Variants in ARMH3 observed in about 807,000 individuals in gnomAD.
ARMH3 encodes armadillo-like helical domain-containing protein 3.
A neutral mutation model predicts 99.1 loss-of-function variants in ARMH3; 60 were observed. The ratio of observed to expected loss-of-function variants is 0.61; its 90% confidence interval spans 0.49 to 0.75. The LOEUF (loss-of-function observed/expected upper bound fraction) is 0.75, where lower values mean the gene tolerates loss of function less well. Among genes scored for constraint, ARMH3 ranks in the 30% least tolerant of loss-of-function variants. The pLI, the probability that ARMH3 is intolerant of heterozygous loss-of-function variation, is 0.00. For missense variants in ARMH3, 679 were observed against 843.1 expected (o/e 0.81, Z 2.41); for synonymous variants, 285 against 292.8 (o/e 0.97, Z 0.27).
intron 21 of ARMH3, 55 bp from the exon 22 acceptor site, chr10:101,956,778 T>C: frequency 6.3e-7 from 1 of 1,581,900 alleles, no homozygotes; most frequent in Non-Finnish European, 8.6e-7. Flanking sequence ...GACTAAAAAT[T>C]ATCAGTGGTA....
rs1279470019 is a variant in ARMH3, at chr10:102,032,817, T to C, written c.306+209A>G. The C allele has an allele frequency of 9.6e-6, 5 of 519,968 alleles. No individual in the cohort carries two copies. In the East Asian group the frequency reaches 1.3e-4, roughly 13 times the overall value. 32.2% of individuals were successfully genotyped at this position (519,968 alleles called of 1,614,324 possible). On this transcript the variant is annotated intron_variant, in intron 4 of 25. Transcript: ENST00000370033. ...GAATCTACTTTAGCATTAGATCAAA[T>C]TATACAAATGGATACGATTACTCCT...
At chr10:102,018,526 T>C (rs921022845) in intron 8 of ARMH3, among the ~76,000 whole-genome samples, 8 of 152,208 alleles carry the variant, frequency 5.3e-5, no homozygotes, top group African/African-American at 1.9e-4. Flanking sequence ...GAGATTATAA[T>C]GGAACTGAAA....
intron 23 of ARMH3, among the ~76,000 whole-genome samples, chr10:101,913,924 AG>A: frequency 6.6e-6 from 1 of 152,324 alleles, no homozygotes; most frequent in East Asian, 1.9e-4. Context: ...CGGGTACAGC[AG>A]GATTGTACCC....
chr10:102,046,889 T>A (rs1019292362), intron 1 of ARMH3, among the ~76,000 whole-genome samples: 5 of 152,202 alleles, frequency 3.3e-5, no homozygotes, highest in African/African-American at 1.2e-4. Context: ...TGGGCTTTAA[T>A]GAACAAACTG....
intron 20 of ARMH3, among the ~76,000 whole-genome samples, chr10:101,962,355 A>G (rs1237704046): frequency 6.6e-6 from 1 of 152,162 alleles, no homozygotes; most frequent in Non-Finnish European, 1.5e-5. Flanking sequence ...CAACTACTAC[A>G]AGTTAATAAC....
intron 24 of ARMH3, among the ~76,000 whole-genome samples, chr10:101,878,261 A>T (rs1201982154): frequency 6.6e-6 from 1 of 152,196 alleles, no homozygotes; most frequent in Non-Finnish European, 1.5e-5. Flanking sequence ...CTGTTTCAAA[A>T]ATAAATAAAT....
At chr10:101,955,745 T>C (rs1385254972) in intron 22 of ARMH3, among the ~76,000 whole-genome samples, 4 of 151,992 alleles carry the variant, frequency 2.6e-5, no homozygotes, top group African/African-American at 9.7e-5. Context: ...GCACAGTGGG[T>C]GAAGGTGGTG....
chr10:101,972,947 A>G (rs1321028753), intron 20 of ARMH3, among the ~76,000 whole-genome samples: 3 of 152,266 alleles, frequency 2.0e-5, no homozygotes, highest in Non-Finnish European at 4.4e-5. Context: ...TCTGAAAGAC[A>G]TAACGTCAAC....
At chr10:102,052,693 A>G (rs1168799508) in intron 1 of ARMH3, among the ~76,000 whole-genome samples, 2 of 152,212 alleles carry the variant, frequency 1.3e-5, no homozygotes, top group Non-Finnish European at 2.9e-5. Flanking sequence ...TGAGAAGCTC[A>G]CTATTAAGTG....
intron 23 of ARMH3, among the ~76,000 whole-genome samples, chr10:101,928,013 G>A (rs1011425373): frequency 9.9e-5 from 15 of 152,212 alleles, no homozygotes; most frequent in Non-Finnish European, 1.6e-4. Flanking sequence ...GGCAGAGGTC[G>A]CAGTGAGCCA....
At chr10:101,873,483 T>C (rs1471845612) in intron 24 of ARMH3, among the ~76,000 whole-genome samples, 3 of 152,126 alleles carry the variant, frequency 2.0e-5, no homozygotes, top group Non-Finnish European at 2.9e-5. Context: ...AACATATTTA[T>C]TGAGATATAG....
rs34928343 is a variant in ARMH3 at position 101,876,247 on chromosome 10, C to CAAAAAAA, written c.1860+13158_1860+13164dup. On this transcript the variant is annotated intron_variant, in intron 24 of 25. Transcript: ENST00000370033. Reference sequence around the variant, plus strand: ...CTGGCGACAGAGCAAGGCTCCATCTCAAAAAAAAAAAAAAAAAAAAACAAC... The same window carrying CAAAAAAA: ...CTGGCGACAGAGCAAGGCTCCATCTCAAAAAAAAAAAAAAAAAAAAAAAAAAAACAAC... 2.5e-4 allele frequency among the ~76,000 whole-genome samples: 21 copies of CAAAAAAA among 83,432 alleles called. 1 individual carries two copies. Among genetic ancestry groups the CAAAAAAA allele is most frequent in the East Asian group, 3.8e-4 (1 of 2,608 alleles). 54.7% of individuals were successfully genotyped at this position (83,432 alleles called of 152,430 possible). A position where few individuals can be genotyped will look rare whatever the true frequency, so the allele number is the denominator to read the frequency against.
chr10:102,011,707 A>G lies in ARMH3; in HGVS notation c.831+16T>C. The G allele has an allele frequency of 6.3e-7, 1 of 1,589,826 alleles. No individual in the cohort carries two copies. Among genetic ancestry groups the G allele is most frequent in the Non-Finnish European group, 8.5e-7 (1 of 1,170,264 alleles). On this transcript the variant is annotated intron_variant, in intron 11 of 25. Coordinates refer to ENST00000370033, the MANE Select transcript of ARMH3 (RefSeq NM_024541.3). ...TTTCTGTTTTTTTCAGGAGAAAAAA[A>G]AAAAGCAGGACTTACCATATTTGTT...
chr10:101,848,404 A>C (rs775532278), intron 25 of ARMH3, among the ~76,000 whole-genome samples: 7 of 152,170 alleles, frequency 4.6e-5, no homozygotes, highest in Non-Finnish European at 8.8e-5. Flanking sequence ...CCCTACTCTG[A>C]GAGGGTTCCA....
intron 23 of ARMH3, among the ~76,000 whole-genome samples, chr10:101,932,834 T>A (rs1415046826): frequency 1.3e-5 from 2 of 152,190 alleles, no homozygotes; most frequent in Admixed American, 6.5e-5. Context: ...TGGAGATGGA[T>A]GTTGGTGATG....
chr10:102,033,176 C>T lies in ARMH3; in HGVS notation c.160-4G>A, dbSNP rs769136986. The T allele has an allele frequency of 6.2e-6, 10 of 1,614,078 alleles. No individual in the cohort carries two copies. Among genetic ancestry groups the T allele is most frequent in the South Asian group, 4.4e-5 (4 of 91,076 alleles). Reference sequence around the variant, plus strand: ...CTTCTAGGTACTCTAAATTCACCTGCCAAGGAAACAAATAAGGGGCAGAGT... The same window carrying T: ...CTTCTAGGTACTCTAAATTCACCTGTCAAGGAAACAAATAAGGGGCAGAGT... On this transcript the variant is annotated splice_region_variant and splice_polypyrimidine_tract_variant and intron_variant, in intron 3 of 25. Coordinates refer to ENST00000370033, the MANE Select transcript of ARMH3 (RefSeq NM_024541.3).
At chr10:101,935,282 C>T (rs140322421) in intron 23 of ARMH3, among the ~76,000 whole-genome samples, 2 of 151,006 alleles carry the variant, frequency 1.3e-5, no homozygotes, top group African/African-American at 4.9e-5. Flanking sequence ...CCAATAAAGA[C>T]AGCAGTTTCT....
intron 2 of ARMH3, among the ~76,000 whole-genome samples, chr10:102,038,253 C>T (rs1302519230): frequency 6.6e-6 from 1 of 151,926 alleles, no homozygotes; most frequent in African/African-American, 2.4e-5. Context: ...CACCACCATG[C>T]TCAGCTAATT....
intron 14 of ARMH3, among the ~76,000 whole-genome samples, chr10:102,003,003 A>AT (rs1371795261): frequency 4.6e-5 from 7 of 151,410 alleles, no homozygotes; most frequent in African/African-American, 7.3e-5. Context: ...AAATAAATAA[A>AT]AACAGATGAA....
Sources: allele counts gnomAD v4.1 joint callset (sites outside exome capture counted in the v4.1 genomes callset), GRCh38; gene constraint gnomAD v4.1.1; transcripts MANE v1.5; gene names NCBI Gene and HGNC (gene_info 2026-07-23, HGNC 2026-07-21).